Variants in SLC19A1 observed in about 807,000 individuals in gnomAD.
The protein encoded by SLC19A1 is reduced folate transporter.
A neutral mutation model predicts 35.3 loss-of-function variants in SLC19A1; 37 were observed. The ratio of observed to expected loss-of-function variants is 1.05; its 90% CI spans 0.81 to 1.38. SLC19A1 has a LOEUF of 1.38. Ranked by LOEUF, SLC19A1 falls within the 40% of genes most tolerant of loss-of-function variation. The pLI is 0.00. For missense variants in SLC19A1, 831 were observed against 826.9 expected, an observed-to-expected ratio of 1.00 and a Z score of -0.06; for synonymous variants, 460 against 398.5, an observed-to-expected ratio of 1.15 and a Z score of -1.84.
chr21:45,531,922 T>G lies in SLC19A1; in HGVS notation c.416A>C (p.Tyr139Ser). Reference protein sequence around the residue: ...TMAARIAYSSYIFSLVRPARY... With the variant: ...TMAARIAYSSSIFSLVRPARY... ...CGCGGGCCGCACGAGAGAGAAGATG[T>G]AGGAGGAATAGGCGATGCGCGCGGC... is the stretch of plus-strand genomic sequence containing the variant. Residue 139 changes from tyrosine to serine, a missense_variant, in exon 3 of 6, where the codon TAC becomes TCC. By Grantham distance (144) the Tyr-to-Ser change is moderately radical. Transcript: ENST00000311124. 4.4e-6 allele frequency: 7 copies of G among 1,597,692 alleles called. No homozygotes were observed. Among genetic ancestry groups the G allele is most frequent in the Non-Finnish European group, 5.1e-6 (6 of 1,172,884 alleles).
chr21:45,532,753 A>G lies in SLC19A1; in HGVS notation c.190-605T>C, dbSNP rs144876942. On this transcript the variant is annotated intron_variant, in intron 2 of 5. Coordinates refer to ENST00000311124, the MANE Select transcript of SLC19A1 (RefSeq NM_194255.4). ...CCCAGCCAGCTTCTCTATTTTTAAT[A>G]GAATCAAAACATGGTTTTATTTCAT... 5.1e-3 allele frequency among the ~76,000 whole-genome samples: 778 copies of G among 152,372 alleles called. 11 individuals are homozygous for G. Among genetic ancestry groups the G allele is most frequent in the African/African-American group, 0.018 (742 of 41,584 alleles).
chr21:45,510,939 A>AC (rs2037543294), downstream of SLC19A1, among the ~76,000 whole-genome samples: 2 of 28,598 alleles, frequency 7.0e-5, no homozygotes, highest in African/African-American at 4.8e-4. Context: ...CCCCAAAAAA[A>AC]CACACACCCA....
intron 1 of SLC19A1, among the ~76,000 whole-genome samples, chr21:45,552,674 C>T (rs760397932): frequency 4.7e-5 from 7 of 149,918 alleles, no homozygotes; most frequent in Admixed American, 6.6e-5. Context: ...CTGGTCTCAG[C>T]GAAGTGGAGC....
chr21:45,544,386 A>G (rs36230817), upstream of SLC19A1: 3,271 of 153,064 alleles, frequency 0.021, 82 homozygotes, highest in African/African-American at 0.047. Context: ...AACTTACAGA[A>G]ACCTCCATTG....
chr21:45,502,553 G>A (rs1231723014), intron 3 of SLC19A1: 1 of 152,188 alleles, frequency 6.6e-6, no homozygotes, highest in Non-Finnish European at 1.5e-5. Context: ...TATAAAAATA[G>A]CAAGGATCAA....
rs1213486374 is a variant in SLC19A1, at chr21:45,515,074, CCT to C, written c.*582_*583del. The C allele has an allele frequency of 6.5e-7, 1 of 1,546,002 alleles. No individual in the cohort carries two copies. Among genetic ancestry groups the C allele is most frequent in the Non-Finnish European group, 8.7e-7 (1 of 1,145,602 alleles). On this transcript the variant is annotated 3_prime_UTR_variant, in exon 6 of 6. Coordinates refer to ENST00000311124, the MANE Select transcript of SLC19A1 (RefSeq NM_194255.4). ...CTCCGAGGACCAGAGCCGCTGCTCC[CCT>C]CTGATGACAATGTGTCTGCCGCCAA...
chr21:45,550,489 A>G (rs536415943), intron 1 of SLC19A1, among the ~76,000 whole-genome samples: 20 of 152,280 alleles, frequency 1.3e-4, no homozygotes, highest in Non-Finnish European at 2.2e-4. Context: ...TTCCTTGACT[A>G]CACGGTCTTA....
chr21:45,505,237 G>C (rs1387720929), intron 3 of SLC19A1: 1 of 1,602,748 alleles, frequency 6.2e-7, no homozygotes, highest in African/African-American at 1.3e-5. Flanking sequence ...GGCCCCCCAG[G>C]CCCCCCAGGG....
At chr21:45,538,431 G>A (rs2078204254) in intron 1 of SLC19A1, among the ~76,000 whole-genome samples, 2 of 152,366 alleles carry the variant, frequency 1.3e-5, no homozygotes, top group South Asian at 4.1e-4. Context: ...CCTGAGGGCA[G>A]CCCACGTGCC....
At chr21:45,549,254 C>T (rs1284302375), upstream of SLC19A1, among the ~76,000 whole-genome samples, 1 of 152,136 alleles carries the variant, frequency 6.6e-6, no homozygotes, top group Non-Finnish European at 1.5e-5. Flanking sequence ...GGCCAGAGTC[C>T]AGCCTGGGAA....
chr21:45,513,530 T>G lies in SLC19A1; in HGVS notation c.*2128A>C, dbSNP rs541872201. The stretch of plus-strand genomic sequence containing the variant: ...CTGTCAGTCACAGCCACCCCTGAGA[T>G]CCGGCAACATCAACCCGAGTCATTC... On this transcript the variant is annotated 3_prime_UTR_variant, in exon 6 of 6. Coordinates refer to ENST00000311124, the MANE Select transcript of SLC19A1 (RefSeq NM_194255.4). 7.6e-6 allele frequency: 1 copy of G among 132,114 alleles called. No individual in the cohort carries two copies. Among genetic ancestry groups the G allele is most frequent in the African/African-American group, 3.2e-5 (1 of 31,228 alleles). 8.2% of individuals were successfully genotyped at this position (132,114 alleles called of 1,614,324 possible). A position where few individuals can be genotyped will look rare whatever the true frequency, so the allele number is the denominator to read the frequency against.
rs912959704 is a variant in SLC19A1 at position 45,521,821 on chromosome 21, A to AG, written c.1293+3995dup. Among the ~76,000 whole-genome samples, 6 of 152,386 alleles carry AG rather than the reference A, an allele frequency of 3.9e-5. No individual in the cohort carries two copies. In the East Asian group the frequency reaches 1.2e-3, roughly 29 times the overall value. ...ATGGATACGCACAGGCCAAAAAAAA[A>AG]GTGACCTCAACCTAAACTTCACATC... On this transcript the variant is annotated intron_variant, in intron 5 of 5. Coordinates refer to ENST00000311124, the MANE Select transcript of SLC19A1 (RefSeq NM_194255.4).
chr21:45,537,368 C>G (rs568735653), intron 2 of SLC19A1, among the ~76,000 whole-genome samples: 3 of 152,354 alleles, frequency 2.0e-5, no homozygotes, highest in African/African-American at 7.2e-5. Flanking sequence ...ACACATCCAA[C>G]AGGAAAAGCG....
At chr21:45,509,687 T>A, downstream of SLC19A1, 2 of 820,460 alleles carry the variant, frequency 2.4e-6, no homozygotes, top group Non-Finnish European at 4.0e-6. Flanking sequence ...GCAGAGCTGC[T>A]GGGGGTCCCA....
chr21:45,541,633 GCT>G (rs1240353381), intron 1 of SLC19A1, among the ~76,000 whole-genome samples: 2 of 152,222 alleles, frequency 1.3e-5, no homozygotes, highest in Non-Finnish European at 2.9e-5. Flanking sequence ...GGCTGTCCAG[GCT>G]CTCTCTGAGA....
chr21:45,526,315 G>A (rs1236521784), intron 4 of SLC19A1, among the ~76,000 whole-genome samples: 4 of 152,202 alleles, frequency 2.6e-5, no homozygotes, highest in East Asian at 1.9e-4. Context: ...GTCTAAACAC[G>A]AAATGCATTT....
At position 45,537,613 on chromosome 21, in the gene SLC19A1, G is replaced by A. The variant is rs1421205829; in HGVS notation, c.189+158C>T. The stretch of plus-strand genomic sequence containing the variant: ...GCTCCCCGCCCACCCACAGGCAGCC[G>A]CCCTGGCACCCAGCGCCCACGTGCC... On this transcript the variant is annotated intron_variant, in intron 2 of 5. Transcript: ENST00000311124. 1.5e-4 allele frequency among the ~76,000 whole-genome samples: 13 copies of A among 87,020 alleles called. 1 individual carries two copies. The East Asian group carries it at 4.3e-3, about 29-fold the overall frequency. 57.1% of individuals were successfully genotyped at this position (87,020 alleles called of 152,430 possible).
In SLC19A1 at chr21:45,534,518, G is replaced by T. The variant is rs1369369843; in HGVS notation, c.190-2370C>A. ...GCTCTCTGGAAAAGGGCGGCCAGGG[G>T]TCCTAGAAGCCTCACCCACCTCCGA... On this transcript the variant is annotated intron_variant, in intron 2 of 5. Coordinates refer to ENST00000311124, the MANE Select transcript of SLC19A1 (RefSeq NM_194255.4). This position sits in a 1 kb window ranked among gnomAD's most constrained non-coding sequence, Gnocchi z 4.2. The T allele has an allele frequency of 3.3e-6, 5 of 1,525,458 alleles. No homozygotes were observed. In the Admixed American group the frequency reaches 5.9e-5, roughly 18 times the overall value. 94.5% of individuals were successfully genotyped at this position (1,525,458 alleles called of 1,614,324 possible).
At chr21:45,509,253 T>G, downstream of SLC19A1, 1 of 1,476,196 alleles carries the variant, frequency 6.8e-7, no homozygotes, top group Non-Finnish European at 9.0e-7. Context: ...TGCTTGCCAG[T>G]TCAGAGCCCA....
Sources: gnomAD v4.1 joint callset for allele counts (sites outside exome capture counted in the v4.1 genomes callset) on GRCh38, gnomAD v4.1.1 for gene constraint, Gnocchi (gnomAD v3.1) non-coding constraint, MANE v1.5 for transcripts, NCBI Gene and HGNC (gene_info 2026-07-23, HGNC 2026-07-21) for gene names.